GRIK1: variants seen among roughly 807,000 people sequenced by gnomAD.
GRIK1 encodes the protein glutamate ionotropic receptor kainate type subunit 1.
GRIK1 carries 69 observed loss-of-function variants against 105.7 expected under a neutral mutation model. The observed-to-expected ratio is 0.65, with a 90% CI of 0.54 to 0.80. The LOEUF is 0.80. Among genes scored for constraint, GRIK1 ranks in the 30% least tolerant of loss-of-function variants. GRIK1 has a pLI of 0.00. For missense variants in GRIK1, 1,109 were observed against 1,167.3 expected (o/e 0.95, Z 0.73); for synonymous variants, 438 against 431.3 (o/e 1.02, Z -0.19).
chr21:29,925,204 A>G (rs2071323494), intron 1 of GRIK1, among the ~76,000 whole-genome samples: 1 of 152,200 alleles, frequency 6.6e-6, no homozygotes. Context: ...CCTTATCAGG[A>G]TCACAGGATA....
At chr21:29,757,149 T>A (rs55953332) in intron 1 of GRIK1, among the ~76,000 whole-genome samples, 14,380 of 150,596 alleles carry the variant, frequency 0.095, 701 homozygotes, top group Admixed American at 0.12. Flanking sequence ...TTAAAAAATT[T>A]AAAAAAAAAG....
At chr21:29,757,677 T>G (rs1169216686) in intron 1 of GRIK1, among the ~76,000 whole-genome samples, 1 of 152,242 alleles carries the variant, frequency 6.6e-6, no homozygotes, top group Non-Finnish European at 1.5e-5. Flanking sequence ...ATAATCAATT[T>G]TTCCCCCAGA....
intron 1 of GRIK1, among the ~76,000 whole-genome samples, chr21:29,707,530 A>G (rs1029012409): frequency 2.2e-5 from 3 of 133,684 alleles, no homozygotes; most frequent in African/African-American, 8.2e-5. Flanking sequence ...TGTTTCACTC[A>G]TATTGCAAAG....
At chr21:29,668,532 C>G (rs1252844075) in intron 4 of GRIK1, among the ~76,000 whole-genome samples, 1 of 152,138 alleles carries the variant, frequency 6.6e-6, no homozygotes, top group Admixed American at 6.5e-5. Context: ...GAGAAAGAGG[C>G]CAGGTCAGGT....
intron 1 of GRIK1, among the ~76,000 whole-genome samples, chr21:29,701,120 A>G (rs2063804284): frequency 6.6e-6 from 1 of 152,194 alleles, no homozygotes; most frequent in South Asian, 2.1e-4. Flanking sequence ...TAACTCGCTC[A>G]TCCAATGATT....
chr21:29,679,284 T>A (rs748753585), intron 3 of GRIK1, among the ~76,000 whole-genome samples: 1 of 152,226 alleles, frequency 6.6e-6, no homozygotes, highest in Non-Finnish European at 1.5e-5. Flanking sequence ...GACTAACAAC[T>A]AACTCTTCAC....
intron 16 of GRIK1, among the ~76,000 whole-genome samples, chr21:29,542,291 T>C (rs1266387714): frequency 6.6e-6 from 1 of 152,192 alleles, no homozygotes; most frequent in Non-Finnish European, 1.5e-5. Context: ...CCTTTTGGTT[T>C]GTTTCTTTTT....
At chr21:29,731,336 G>A (rs1601551268) in intron 1 of GRIK1, among the ~76,000 whole-genome samples, 1 of 152,204 alleles carries the variant, frequency 6.6e-6, no homozygotes, top group Admixed American at 6.5e-5. Flanking sequence ...CCAAAAAACT[G>A]TTGCCATAAC....
intron 14 of GRIK1, among the ~76,000 whole-genome samples, chr21:29,573,850 C>A (rs1269125130): frequency 7.6e-6 from 1 of 130,860 alleles, no homozygotes; most frequent in African/African-American, 3.2e-5. Flanking sequence ...AAGACTCCGT[C>A]TGGAAAAAAA....
chr21:29,887,097 A>T (rs2069658244), intron 1 of GRIK1, among the ~76,000 whole-genome samples: 1 of 152,184 alleles, frequency 6.6e-6, no homozygotes. Flanking sequence ...GAGGAAGATT[A>T]TCTGACTAGC....
rs146633914 is a variant in GRIK1 at position 29,818,353 on chromosome 21, G to A, written c.118+121030C>T. Among the ~76,000 whole-genome samples, 566 of 152,126 alleles carry A rather than the reference G, an allele frequency of 3.7e-3. 1 individual carries two copies. The highest frequency in any genetic ancestry group is 0.012 in the African/African-American group (511 of 41,530). The stretch of plus-strand genomic sequence containing the variant: ...AATCCCAAATGATGTACATTCTCAC[G>A]AAGGAAAGGAGCCAGATTTTTAGTC... On this transcript the variant is annotated intron_variant, in intron 1 of 17. Coordinates refer to ENST00000327783, the MANE Select transcript of GRIK1 (RefSeq NM_001330994.2).
chr21:29,696,954 A>G (rs1025239963), intron 1 of GRIK1, among the ~76,000 whole-genome samples: 7 of 152,202 alleles, frequency 4.6e-5, no homozygotes, highest in African/African-American at 1.7e-4. Context: ...GCTCTTTTAC[A>G]TATGTTTAAT....
intron 3 of GRIK1, among the ~76,000 whole-genome samples, chr21:29,674,046 C>G (rs781572146): frequency 1.7e-4 from 26 of 150,784 alleles, no homozygotes; most frequent in Non-Finnish European, 3.8e-4. Context: ...GAACTTCCAT[C>G]ATACGGAAAA....
intron 4 of GRIK1, among the ~76,000 whole-genome samples, chr21:29,659,672 C>A (rs1433911145): frequency 6.6e-6 from 1 of 152,050 alleles, no homozygotes; most frequent in African/African-American, 2.4e-5. Context: ...AATAAAAACT[C>A]AATGCCGGCC....
At chr21:29,663,330 G>T (rs1221414037) in intron 4 of GRIK1, among the ~76,000 whole-genome samples, 1 of 152,182 alleles carries the variant, frequency 6.6e-6, no homozygotes, top group African/African-American at 2.4e-5. Flanking sequence ...TAAGTAGGAT[G>T]CATCAATCCA....
At chr21:29,644,802 G>T (rs2062585102) in intron 6 of GRIK1, among the ~76,000 whole-genome samples, 1 of 152,166 alleles carries the variant, frequency 6.6e-6, no homozygotes, top group Admixed American at 6.5e-5. Flanking sequence ...TGAGACTTTT[G>T]GAAATGCAGT....
At chr21:29,630,459 G>C (rs1421177909) in intron 7 of GRIK1, 2 of 468,770 alleles carry the variant, frequency 4.3e-6, no homozygotes, top group Non-Finnish European at 8.8e-6. Context: ...TATCCTGCAG[G>C]GGAGGGCTGA....
intron 1 of GRIK1, chr21:29,760,348 G>T (rs1031951923): frequency 6.6e-6 from 1 of 152,248 alleles, no homozygotes; most frequent in Non-Finnish European, 1.5e-5. Context: ...AATTTCCAAG[G>T]GGACCTCATT....
chr21:29,801,320 A>G (rs1443220002), intron 1 of GRIK1, among the ~76,000 whole-genome samples: 5 of 151,994 alleles, frequency 3.3e-5, no homozygotes, highest in Admixed American at 6.6e-5. Context: ...CTTAATAAAT[A>G]GTACTTACCT....
Sources: allele counts gnomAD v4.1 joint callset (sites outside exome capture counted in the v4.1 genomes callset), GRCh38; gene constraint gnomAD v4.1.1; transcripts MANE v1.5; gene names NCBI Gene and HGNC (gene_info 2026-07-23, HGNC 2026-07-21).